The following SMOC2 variants were observed in gnomAD, a reference collection of about 807,000 sequenced individuals.
SMOC2 encodes the protein SPARC related modular calcium binding 2, also known as SPARC-related modular calcium-binding protein 2.
A neutral mutation model predicts 61.4 loss-of-function variants in SMOC2; 39 were observed. That is an observed-to-expected ratio of 0.64 (90% CI 0.49 to 0.83). The LOEUF (loss-of-function observed/expected upper bound fraction) is 0.83. Among genes scored for constraint, SMOC2 ranks in the 40% least tolerant of loss-of-function variants. The pLI is 0.00. For synonymous variants in SMOC2, 247 were observed against 239.9 expected, an observed-to-expected ratio of 1.03 and a Z score of -0.27; for missense variants, 556 against 592.9, an observed-to-expected ratio of 0.94 and a Z score of 0.65.
rs1234665008 is a variant in SMOC2, at chr6:168,464,564, C to CT, written c.84+23110_84+23111insT. ...TTCATGAATATTCAATTAGGATTTTCATTTTTTTTTTTTAACATACTTTCT... is the reference window on the plus strand; with the variant it reads ...TTCATGAATATTCAATTAGGATTTTCTATTTTTTTTTTTTAACATACTTTCT... On this transcript the variant is annotated intron_variant, in intron 1 of 12. Transcript: ENST00000356284. Among the ~76,000 whole-genome samples, 49 of 92,086 alleles carry CT rather than the reference C, an allele frequency of 5.3e-4. No individual in the cohort carries two copies. The Admixed American group carries it at 6.5e-3, about 12-fold the overall frequency. The allele number at this position is 92,086 out of a possible 152,430, so 60.4% of individuals were successfully genotyped here.
chr6:168,554,323 A>G (rs897289120), intron 7 of SMOC2, among the ~76,000 whole-genome samples: 13 of 152,264 alleles, frequency 8.5e-5, no homozygotes, highest in Admixed American at 6.5e-4. Flanking sequence ...ATTTCCATCA[A>G]TTAATTAACA....
chr6:168,574,003 C>A (rs1291809346), intron 7 of SMOC2, among the ~76,000 whole-genome samples: 1 of 152,220 alleles, frequency 6.6e-6, no homozygotes, highest in Non-Finnish European at 1.5e-5. Flanking sequence ...GATGGGTGGA[C>A]CCGGGCCTTG....
At chr6:168,629,096 C>T (rs760714466) in intron 9 of SMOC2, among the ~76,000 whole-genome samples, 6 of 152,244 alleles carry the variant, frequency 3.9e-5, no homozygotes, top group South Asian at 2.1e-4. Context: ...CCTCGAGCTC[C>T]GAGAGGAGGC....
At chr6:168,525,702 C>T (rs566056140) in intron 2 of SMOC2, among the ~76,000 whole-genome samples, 35 of 152,222 alleles carry the variant, frequency 2.3e-4, no homozygotes, top group African/African-American at 8.4e-4. Flanking sequence ...CCCTTTTATC[C>T]ACCTGACAGT....
intron 2 of SMOC2, among the ~76,000 whole-genome samples, chr6:168,517,699 GCTT>G (rs1338707642): frequency 6.6e-6 from 1 of 152,230 alleles, no homozygotes; most frequent in Non-Finnish European, 1.5e-5. Flanking sequence ...GCGGCTCGCA[GCTT>G]CTTCTCAGCA....
At chr6:168,502,591 G>A (rs1377639245) in intron 1 of SMOC2, among the ~76,000 whole-genome samples, 3 of 152,162 alleles carry the variant, frequency 2.0e-5, no homozygotes, top group African/African-American at 7.2e-5. Flanking sequence ...AGGGGGTCAG[G>A]AATGCCGATG....
chr6:168,604,164 C>T (rs1161115459), intron 8 of SMOC2, among the ~76,000 whole-genome samples: 1 of 152,228 alleles, frequency 6.6e-6, no homozygotes, highest in African/African-American at 2.4e-5. Flanking sequence ...ATGGCTGCAA[C>T]AGATCCGGAC....
At chr6:168,531,656 C>T (rs1480764844) in intron 4 of SMOC2, among the ~76,000 whole-genome samples, 2 of 152,150 alleles carry the variant, frequency 1.3e-5, no homozygotes, top group African/African-American at 4.8e-5. Flanking sequence ...CACTTGGCCA[C>T]GCAGAAGTGC....
intron 7 of SMOC2, among the ~76,000 whole-genome samples, chr6:168,571,021 A>T (rs1289114742): frequency 2.0e-5 from 3 of 152,040 alleles, no homozygotes; most frequent in Non-Finnish European, 2.9e-5. Flanking sequence ...GAAGGAGGGG[A>T]GTTCAGGGTT....
rs972367352 is a variant in SMOC2, at chr6:168,598,355, C to T, written c.638-463C>T. Reference sequence around the variant, plus strand: ...GAGAGAGGGGTCACACAGGGAGCCTCGGAGTCTAAACACGACCTTGCCCTG... The same window carrying T: ...GAGAGAGGGGTCACACAGGGAGCCTTGGAGTCTAAACACGACCTTGCCCTG... On this transcript the variant is annotated intron_variant, in intron 7 of 12. Transcript: ENST00000356284. 3.3e-5 allele frequency among the ~76,000 whole-genome samples: 5 copies of T among 152,174 alleles called. 1 individual carries two copies. Among genetic ancestry groups the T allele is most frequent in the African/African-American group, 1.2e-4 (5 of 41,456 alleles).
chr6:168,659,916 T>TGGAGGTTGTTGGCTAGGTAAGGG (rs1787459365), intron 11 of SMOC2, among the ~76,000 whole-genome samples: 3 of 70,450 alleles, frequency 4.3e-5, no homozygotes, highest in Non-Finnish European at 6.7e-5. Flanking sequence ...TTGGGTGAGG[T>TGGAGGTTGTTGGCTAGGTAAGGG]TGGAGGTTGT....
intron 11 of SMOC2, among the ~76,000 whole-genome samples, chr6:168,663,193 C>T (rs1421715895): frequency 6.6e-6 from 1 of 152,126 alleles, no homozygotes; most frequent in Non-Finnish European, 1.5e-5. Flanking sequence ...CCCTGGGGTG[C>T]TTCTCAGAGG....
At chr6:168,613,657 G>C (rs1785954293) in intron 9 of SMOC2, among the ~76,000 whole-genome samples, 1 of 131,814 alleles carries the variant, frequency 7.6e-6, no homozygotes, top group African/African-American at 2.8e-5. Context: ...CCAGCACATG[G>C]AGCCTCTTCA....
intron 9 of SMOC2, among the ~76,000 whole-genome samples, chr6:168,616,281 T>C (rs1425517547): frequency 3.3e-5 from 5 of 152,236 alleles, no homozygotes; most frequent in African/African-American, 1.2e-4. Flanking sequence ...TGTGAGTAGT[T>C]AGGTGAGCTA....
chr6:168,560,727 C>T (rs375829404), intron 7 of SMOC2, among the ~76,000 whole-genome samples: 11 of 930 alleles, frequency 0.012, 1 homozygote, highest in East Asian at 0.1. Flanking sequence ...GCTCTCACTG[C>T]GTTCTTGGAG....
At chr6:168,463,751 G>T (rs1486215535) in intron 1 of SMOC2, among the ~76,000 whole-genome samples, 1 of 152,144 alleles carries the variant, frequency 6.6e-6, no homozygotes, top group Non-Finnish European at 1.5e-5. Flanking sequence ...CAGAGGCAAG[G>T]TGCAGGCCCA....
chr6:168,468,390 C>G (rs1021877878), intron 1 of SMOC2, among the ~76,000 whole-genome samples: 1 of 152,214 alleles, frequency 6.6e-6, no homozygotes, highest in African/African-American at 2.4e-5. Context: ...GGGAATCCCC[C>G]CATTCAGAAT....
intron 1 of SMOC2, among the ~76,000 whole-genome samples, chr6:168,470,722 A>T (rs1049169423): frequency 5.9e-5 from 9 of 152,034 alleles, no homozygotes; most frequent in Admixed American, 5.2e-4. Flanking sequence ...AATTAAATAA[A>T]CTGGGTATCC....
chr6:168,527,521 C>T, intron 3 of SMOC2, 107 bp from the exon 4 acceptor site: 1 of 770,878 alleles, frequency 1.3e-6, no homozygotes. Flanking sequence ...CTGGGTATCC[C>T]AGGACCCTGT....
Sources: allele counts gnomAD v4.1 joint callset (sites outside exome capture counted in the v4.1 genomes callset), GRCh38; gene constraint gnomAD v4.1.1; transcripts MANE v1.5; gene names NCBI Gene and HGNC (gene_info 2026-07-23, HGNC 2026-07-21).